Variants in TMEM167A observed in about 807,000 individuals in gnomAD.
TMEM167A encodes the protein protein kish-A.
In TMEM167A, 8 loss-of-function variants were observed where a neutral mutation model predicts 11.6. The ratio of observed to expected loss-of-function variants is 0.69; its 90% CI spans 0.40 to 1.24. The LOEUF (loss-of-function observed/expected upper bound fraction) is 1.24. Among genes scored for constraint, TMEM167A ranks in the 50% most tolerant of loss-of-function variants. The pLI is 0.01. For missense variants in TMEM167A, 62 were observed against 87.0 expected (o/e 0.71, Z 1.14); for synonymous variants, 22 against 28.0 (o/e 0.79, Z 0.67).
chr5:83,063,610 G>A (rs1339661044), intron 2 of TMEM167A, among the ~76,000 whole-genome samples: 1 of 151,870 alleles, frequency 6.6e-6, no homozygotes, highest in African/African-American at 2.4e-5. Flanking sequence ...CCCTAACTTG[G>A]TAACTCAGAG....
At chr5:83,069,195 A>G (rs147966577) in intron 1 of TMEM167A, among the ~76,000 whole-genome samples, 82 of 152,254 alleles carry the variant, frequency 5.4e-4, no homozygotes, top group Non-Finnish European at 6.2e-4. Flanking sequence ...TTTTAGATGT[A>G]CTCAGACTCT....
At chr5:83,073,707 A>G (rs1222437661) in intron 1 of TMEM167A, among the ~76,000 whole-genome samples, 1 of 152,194 alleles carries the variant, frequency 6.6e-6, no homozygotes, top group Non-Finnish European at 1.5e-5. Context: ...CCAAGAGAAA[A>G]TCCATGCAGA....
chr5:83,061,134 C>T (rs1204277055), intron 3 of TMEM167A, among the ~76,000 whole-genome samples: 2 of 152,012 alleles, frequency 1.3e-5, no homozygotes, highest in African/African-American at 4.8e-5. Flanking sequence ...GTTCAATAGA[C>T]AAAACAGTTA....
chr5:83,055,184 C>CA lies in TMEM167A; in HGVS notation c.*1899dup, dbSNP rs1199775691. The CA allele has an allele frequency of 6.6e-6, 1 of 151,988 alleles. No individual in the cohort carries two copies. Among genetic ancestry groups the CA allele is most frequent in the African/African-American group, 2.4e-5 (1 of 41,404 alleles). 9.4% of individuals were successfully genotyped at this position (151,988 alleles called of 1,614,324 possible). A position where few individuals can be genotyped will look rare whatever the true frequency, so the allele number is the denominator to read the frequency against. On this transcript the variant is annotated 3_prime_UTR_variant, in exon 4 of 4. Coordinates refer to ENST00000502346, the MANE Select transcript of TMEM167A (RefSeq NM_174909.5). ...TTGTATGTTTCCACAAATTTTCCCCCAAAATTATCTCTTCCTTTACTTTCC... is the reference window on the plus strand; with the variant it reads ...TTGTATGTTTCCACAAATTTTCCCCCAAAAATTATCTCTTCCTTTACTTTCC...
chr5:83,068,956 G>C (rs543546371), intron 1 of TMEM167A, among the ~76,000 whole-genome samples: 1 of 151,682 alleles, frequency 6.6e-6, no homozygotes, highest in South Asian at 2.1e-4. Flanking sequence ...AGAATATGAG[G>C]GTTCATTATA....
rs1744281673 is a variant in TMEM167A, at chr5:83,053,113, GT to G, written c.*3970del. On this transcript the variant is annotated 3_prime_UTR_variant, in exon 4 of 4. Transcript: ENST00000502346. ...AGTAATAACCACAAGGTTGTACAGC[GT>G]TCACAATGCTGGTATTAATCAGCTA... 1 of 151,856 alleles carries G rather than the reference GT, an allele frequency of 6.6e-6. No individual in the cohort carries two copies. The highest frequency in any genetic ancestry group is 2.1e-4 in the South Asian group (1 of 4,826). 9.4% of individuals were successfully genotyped at this position (151,856 alleles called of 1,614,324 possible). A position where few individuals can be genotyped will look rare whatever the true frequency, so the allele number is the denominator to read the frequency against.
intron 1 of TMEM167A, among the ~76,000 whole-genome samples, chr5:83,065,392 T>G (rs561111996): frequency 7.2e-6 from 1 of 138,324 alleles, no homozygotes; most frequent in African/African-American, 2.5e-5. Flanking sequence ...TAGCTAAGTT[T>G]CTTTTAATTC....
At chr5:83,071,479 A>T (rs910767136) in intron 1 of TMEM167A, 2 of 152,206 alleles carry the variant, frequency 1.3e-5, no homozygotes, top group African/African-American at 4.8e-5. Context: ...GTCAGCATTT[A>T]TCATTCAGAA....
At chr5:83,066,176 A>G (rs1393093827) in intron 1 of TMEM167A, among the ~76,000 whole-genome samples, 1 of 152,234 alleles carries the variant, frequency 6.6e-6, no homozygotes, top group Admixed American at 6.5e-5. Flanking sequence ...TACTGTGTAT[A>G]TATAACAAAG....
At chr5:83,068,917 A>G (rs1362728775) in intron 1 of TMEM167A, among the ~76,000 whole-genome samples, 1 of 152,072 alleles carries the variant, frequency 6.6e-6, no homozygotes, top group African/African-American at 2.4e-5. Flanking sequence ...GTGTGGTGGG[A>G]GAGGGGTAGG....
At chr5:83,069,878 G>C (rs1434792432) in intron 1 of TMEM167A, among the ~76,000 whole-genome samples, 2 of 151,976 alleles carry the variant, frequency 1.3e-5, no homozygotes, top group African/African-American at 4.8e-5. Flanking sequence ...GGATTCCAAA[G>C]AAAAAATACA....
chr5:83,064,968 A>T, intron 2 of TMEM167A, 40 bp downstream of exon 2: 1 of 1,175,642 alleles, frequency 8.5e-7, no homozygotes, highest in South Asian at 1.3e-5. Flanking sequence ...GAACATTTGT[A>T]AGAACTAATT....
At chr5:83,063,056 T>C (rs1205605223) in intron 2 of TMEM167A, among the ~76,000 whole-genome samples, 1 of 152,092 alleles carries the variant, frequency 6.6e-6, no homozygotes, top group African/African-American at 2.4e-5. Context: ...ATACATAGTT[T>C]AGATTAAATG....
intron 1 of TMEM167A, among the ~76,000 whole-genome samples, chr5:83,067,971 CTTGGGTTTTAATTAAA>C (rs1249908303): frequency 1.5e-5 from 2 of 133,586 alleles, no homozygotes; most frequent in Non-Finnish European, 3.6e-5. Context: ...TTTAATGTAT[CTTGGGTTTTAATTAAA>C]TTGGGTTTTA....
At chr5:83,067,379 A>G (rs893552899) in intron 1 of TMEM167A, among the ~76,000 whole-genome samples, 6 of 152,244 alleles carry the variant, frequency 3.9e-5, no homozygotes, top group Non-Finnish European at 8.8e-5. Context: ...TCAAGGACAA[A>G]AAGTGCTTAT....
intron 1 of TMEM167A, 122 bp downstream of exon 1, chr5:83,077,199 G>A: frequency 1.4e-6 from 2 of 1,419,148 alleles, no homozygotes; most frequent in African/African-American, 1.4e-5. Flanking sequence ...GGGACCACAT[G>A]GCTCCAAGGC....
In TMEM167A at chr5:83,054,130, T is replaced by A. The variant is rs1000204405; in HGVS notation, c.*2954A>T. 2.0e-5 allele frequency: 3 copies of A among 152,146 alleles called. No homozygotes were observed. 9.4% of individuals were successfully genotyped at this position (152,146 alleles called of 1,614,324 possible). A position where few individuals can be genotyped will look rare whatever the true frequency, so the allele number is the denominator to read the frequency against. On this transcript the variant is annotated 3_prime_UTR_variant, in exon 4 of 4. Coordinates refer to ENST00000502346, the MANE Select transcript of TMEM167A (RefSeq NM_174909.5). ...TAGACTGATCATCTTATTACTAAGA[T>A]GAAGGAATCTATTGCAAGTTACACG...
At chr5:83,063,236 G>A (rs1225386267) in intron 2 of TMEM167A, among the ~76,000 whole-genome samples, 1 of 152,072 alleles carries the variant, frequency 6.6e-6, no homozygotes, top group African/African-American at 2.4e-5. Flanking sequence ...GTAACTGTGA[G>A]CAAGGTATTG....
chr5:83,058,632 CAT>C (rs770023324), intron 3 of TMEM167A, among the ~76,000 whole-genome samples: 8 of 152,168 alleles, frequency 5.3e-5, no homozygotes, highest in Admixed American at 1.3e-4. Context: ...ACCCTCATCT[CAT>C]AGAGTCTTAT....
Sources: gnomAD v4.1 joint callset for allele counts (sites outside exome capture counted in the v4.1 genomes callset) on GRCh38, gnomAD v4.1.1 for gene constraint, MANE v1.5 for transcripts, NCBI Gene and HGNC (gene_info 2026-07-23, HGNC 2026-07-21) for gene names.